LRRTM4: variants seen among roughly 807,000 people sequenced by gnomAD.
LRRTM4 encodes the protein leucine rich repeat transmembrane neuronal 4, also known as leucine-rich repeat transmembrane neuronal protein 4.
A neutral mutation model predicts 47.6 loss-of-function variants in LRRTM4; 25 were observed. The observed-to-expected ratio is 0.53, with a 90% CI of 0.38 to 0.73. LRRTM4 has a LOEUF of 0.73. LRRTM4 is among the 30% of genes least tolerant of loss of function. The pLI is 0.00. For synonymous variants in LRRTM4, 311 were observed against 269.5 expected (o/e 1.15, Z -1.51); for missense variants, 638 against 713.4 (o/e 0.89, Z 1.20).
chr2:77,008,577 G>A (rs1364520661), intron 3 of LRRTM4, among the ~76,000 whole-genome samples: 1 of 152,112 alleles, frequency 6.6e-6, no homozygotes, highest in Non-Finnish European at 1.5e-5. Context: ...TTCACTAAAT[G>A]TTGTCAATGC....
At chr2:76,801,469 T>A (rs886272779) in intron 3 of LRRTM4, among the ~76,000 whole-genome samples, 2 of 151,466 alleles carry the variant, frequency 1.3e-5, no homozygotes, top group African/African-American at 4.9e-5. Context: ...AACAATGAGA[T>A]CACATGGACA....
chr2:77,091,214 A>G (rs1172748412), intron 3 of LRRTM4, among the ~76,000 whole-genome samples: 5 of 150,976 alleles, frequency 3.3e-5, no homozygotes, highest in African/African-American at 9.8e-5. Flanking sequence ...CTTCTTCCCA[A>G]TCAAGAGCCT....
chr2:76,902,642 G>C (rs1673679967), intron 3 of LRRTM4, among the ~76,000 whole-genome samples: 1 of 152,174 alleles, frequency 6.6e-6, no homozygotes, highest in South Asian at 2.1e-4. Flanking sequence ...AACATAAAGA[G>C]ACTTTTCCTG....
At chr2:77,400,117 C>T (rs1252737775) in intron 3 of LRRTM4, among the ~76,000 whole-genome samples, 1 of 151,842 alleles carries the variant, frequency 6.6e-6, no homozygotes, top group Admixed American at 6.6e-5. Flanking sequence ...TCTATGAGAT[C>T]AACTTTTTTA....
At chr2:77,033,644 T>C (rs532006465) in intron 3 of LRRTM4, among the ~76,000 whole-genome samples, 2 of 151,920 alleles carry the variant, frequency 1.3e-5, no homozygotes, top group South Asian at 4.1e-4. Flanking sequence ...TCCATATTTG[T>C]AGTGAAGGGT....
At chr2:76,768,341 T>C (rs7560515) in intron 3 of LRRTM4, among the ~76,000 whole-genome samples, 20,656 of 152,082 alleles carry the variant, frequency 0.14, 1,908 homozygotes, top group East Asian at 0.43. Context: ...AAGCTTAGTC[T>C]GGCCAACACT....
chr2:77,500,528 AATC>A (rs1678533543), intron 3 of LRRTM4, among the ~76,000 whole-genome samples: 1 of 151,666 alleles, frequency 6.6e-6, no homozygotes, highest in African/African-American at 2.4e-5. Context: ...TAGAAACAAA[AATC>A]ATAAAATAAT....
intron 3 of LRRTM4, among the ~76,000 whole-genome samples, chr2:77,480,295 C>A (rs1677622194): frequency 6.6e-6 from 1 of 152,134 alleles, no homozygotes; most frequent in Non-Finnish European, 1.5e-5. Flanking sequence ...TGCAAAATAT[C>A]TCCAACACGA....
chr2:76,912,845 C>G (rs1674117757), intron 3 of LRRTM4, among the ~76,000 whole-genome samples: 4 of 152,164 alleles, frequency 2.6e-5, no homozygotes, highest in Admixed American at 2.6e-4. Flanking sequence ...TGTGAGGTGC[C>G]TAGCTCACCC....
rs112456579 is a variant in LRRTM4 at position 77,454,209 on chromosome 2, T to G, written c.1551+64109A>C. 9.2e-5 allele frequency among the ~76,000 whole-genome samples: 14 copies of G among 152,326 alleles called. 1 individual carries two copies. The highest frequency in any genetic ancestry group is 3.1e-4 in the African/African-American group (13 of 41,576). ...TGTAAATAATATTTTAAAAAACTTT[T>G]TAACGTAAAACCTGTAAAGGTAGTT... On this transcript the variant is annotated intron_variant, in intron 3 of 3. Coordinates refer to ENST00000409884, the MANE Select transcript of LRRTM4 (RefSeq NM_001134745.3).
intron 3 of LRRTM4, among the ~76,000 whole-genome samples, chr2:77,456,979 T>C (rs1676570298): frequency 7.9e-6 from 1 of 126,760 alleles, no homozygotes. Flanking sequence ...ATTATAAATG[T>C]ATATATTAGT....
intron 3 of LRRTM4, among the ~76,000 whole-genome samples, chr2:77,315,274 A>C (rs1677587196): frequency 6.6e-6 from 1 of 152,190 alleles, no homozygotes; most frequent in Admixed American, 6.5e-5. Flanking sequence ...AAAATCATAA[A>C]ACACTGATAA....
chr2:76,982,879 A>G (rs1174448411), intron 3 of LRRTM4, among the ~76,000 whole-genome samples: 1 of 152,134 alleles, frequency 6.6e-6, no homozygotes, highest in African/African-American at 2.4e-5. Flanking sequence ...GTCACAATTT[A>G]TATTAAAAAA....
At chr2:76,796,494 A>G (rs969242541) in intron 3 of LRRTM4, among the ~76,000 whole-genome samples, 5 of 132,560 alleles carry the variant, frequency 3.8e-5, no homozygotes, top group Non-Finnish European at 6.4e-5. Flanking sequence ...TGCCTCCTCA[A>G]GTGGGTCCCT....
At chr2:76,807,932 CCTTTCTTTCTTT>C (rs113802010) in intron 3 of LRRTM4, among the ~76,000 whole-genome samples, 1 of 123,082 alleles carries the variant, frequency 8.1e-6, no homozygotes, top group African/African-American at 3.4e-5. Flanking sequence ...TCTTTCCTTT[CCTTTCTTTCTTT>C]CTTTCTTTCT....
At chr2:77,123,978 C>T (rs1477976164) in intron 3 of LRRTM4, among the ~76,000 whole-genome samples, 2 of 151,944 alleles carry the variant, frequency 1.3e-5, no homozygotes, top group Admixed American at 1.3e-4. Flanking sequence ...GTTGGTGAGC[C>T]AAGGAAATGT....
intron 3 of LRRTM4, among the ~76,000 whole-genome samples, chr2:77,302,668 G>A (rs992445585): frequency 1.3e-5 from 2 of 152,152 alleles, no homozygotes; most frequent in African/African-American, 2.4e-5. Flanking sequence ...AGGTATTTGT[G>A]CTGGTTATAG....
intron 3 of LRRTM4, among the ~76,000 whole-genome samples, chr2:76,945,030 G>A (rs1212154270): frequency 2.0e-5 from 3 of 151,986 alleles, no homozygotes; most frequent in African/African-American, 7.2e-5. Context: ...TTTGGGACCC[G>A]AATCTGAGGA....
At chr2:76,767,522 T>A (rs1437627371) in intron 3 of LRRTM4, among the ~76,000 whole-genome samples, 2 of 152,150 alleles carry the variant, frequency 1.3e-5, no homozygotes, top group Non-Finnish European at 2.9e-5. Flanking sequence ...TCAAATACTA[T>A]CTCGTGTAGA....
Sources: gnomAD v4.1 joint callset for allele counts (sites outside exome capture counted in the v4.1 genomes callset) on GRCh38, gnomAD v4.1.1 for gene constraint, MANE v1.5 for transcripts, NCBI Gene and HGNC (gene_info 2026-07-23, HGNC 2026-07-21) for gene names.